Variants in NUFIP2 observed in about 807,000 individuals in gnomAD.
NUFIP2 encodes nuclear FMR1 interacting protein 2.
Under a neutral mutation model 56.9 loss-of-function variants are expected in NUFIP2, and 6 were observed. The ratio of observed to expected loss-of-function variants is 0.11; its 90% CI spans 0.06 to 0.21. The LOEUF is 0.21. Among genes scored for constraint, NUFIP2 ranks in the 10% least tolerant of loss-of-function variants. NUFIP2 has a pLI of 1.00. For synonymous variants in NUFIP2, 321 were observed against 298.2 expected, an observed-to-expected ratio of 1.08 and a Z score of -0.79; for missense variants, 828 against 826.8, an observed-to-expected ratio of 1.00 and a Z score of -0.02.
rs567664377 is a variant in NUFIP2, at chr17:29,267,968, G to A, written c.2003-438C>T. 5.3e-5 allele frequency among the ~76,000 whole-genome samples: 8 copies of A among 152,094 alleles called. No individual in the cohort carries two copies. In the South Asian group the frequency reaches 8.3e-4, roughly 16 times the overall value. On this transcript the variant is annotated intron_variant, in intron 2 of 3. Coordinates refer to ENST00000225388, the MANE Select transcript of NUFIP2 (RefSeq NM_020772.3). Reference sequence around the variant, plus strand: ...GGCTGGAGTGCAGTGGCCTGATCTCGGCTCACTGCAACCTCCGCCTCTCGG... The same window carrying A: ...GGCTGGAGTGCAGTGGCCTGATCTCAGCTCACTGCAACCTCCGCCTCTCGG...
chr17:29,287,149 T>C lies in NUFIP2; in HGVS notation c.845A>G (p.Tyr282Cys), dbSNP rs746154250. The change falls in exon 2 of 4, where the codon TAT becomes TGT. Residue 282 changes from tyrosine (Y) to cysteine (C), a missense_variant. Physicochemically the swap from Tyr to Cys is radical, Grantham distance 194. Around this residue, in one of 3 missense-constraint regions of NUFIP2, gnomAD observed 415 missense variants for 408.7 expected, o/e 1.02. Transcript: ENST00000225388. Reference protein sequence around the residue: ...RVDGSKPIWKYETGPGGTSRG... With the variant: ...RVDGSKPIWKCETGPGGTSRG... ...ACTTGTTCCTCCAGGCCCAGTTTCA[T>C]ACTTCCAAATGGGCTTCGAACCATC... 2 of 1,614,086 alleles carry C rather than the reference T, an allele frequency of 1.2e-6. No homozygotes were observed. Among genetic ancestry groups the C allele is most frequent in the African/African-American group, 2.7e-5 (2 of 74,932 alleles).
At chr17:29,272,341 C>T (rs1004866783) in intron 2 of NUFIP2, among the ~76,000 whole-genome samples, 2 of 150,754 alleles carry the variant, frequency 1.3e-5, no homozygotes, top group African/African-American at 4.9e-5. Flanking sequence ...CCAGGGTTCA[C>T]GCCATTCTCC....
chr17:29,269,852 C>G (rs1383714532), intron 2 of NUFIP2, among the ~76,000 whole-genome samples: 2 of 152,080 alleles, frequency 1.3e-5, no homozygotes, highest in Non-Finnish European at 2.9e-5. Context: ...TCCCGAGTAA[C>G]TGGGACTACA....
chr17:29,258,099 T>C lies in NUFIP2; in HGVS notation c.*6440A>G, dbSNP rs1398640174. ...TTTTTTAATATACATGCAAGGCACA[T>C]TGATATAAAAATAGATCTCTGGCCA... On this transcript the variant is annotated 3_prime_UTR_variant, in exon 4 of 4. Transcript: ENST00000225388. 6.6e-6 allele frequency: 1 copy of C among 152,086 alleles called. No homozygotes were observed. Among genetic ancestry groups the C allele is most frequent in the Admixed American group, 6.6e-5 (1 of 15,264 alleles). 9.4% of individuals were successfully genotyped at this position (152,086 alleles called of 1,614,324 possible). A position where few individuals can be genotyped will look rare whatever the true frequency, so the allele number is the denominator to read the frequency against.
intron 2 of NUFIP2, among the ~76,000 whole-genome samples, chr17:29,269,719 T>C (rs1433086501): frequency 6.6e-6 from 1 of 151,812 alleles, no homozygotes; most frequent in East Asian, 1.9e-4. Context: ...AAGCAATCCT[T>C]CCACCTCAGC....
At chr17:29,265,749 T>C (rs919909499) in intron 3 of NUFIP2, among the ~76,000 whole-genome samples, 1 of 140,418 alleles carries the variant, frequency 7.1e-6, no homozygotes, top group African/African-American at 2.7e-5. Flanking sequence ...ATACAACTGG[T>C]CACCCAATGG....
intron 2 of NUFIP2, among the ~76,000 whole-genome samples, chr17:29,269,211 T>C (rs2069057261): frequency 6.6e-6 from 1 of 152,184 alleles, no homozygotes; most frequent in African/African-American, 2.4e-5. Context: ...ACTATCATTT[T>C]GAAAGGACAA....
At chr17:29,284,706 CAAAAAAAA>C (rs66700326) in intron 2 of NUFIP2, among the ~76,000 whole-genome samples, 1 of 53,636 alleles carries the variant, frequency 1.9e-5, no homozygotes, top group African/African-American at 7.9e-5. Context: ...GACTCCATCT[CAAAAAAAA>C]AAAAAAAAAA....
intron 1 of NUFIP2, among the ~76,000 whole-genome samples, chr17:29,292,002 C>T (rs1384474287): frequency 6.6e-6 from 1 of 152,142 alleles, no homozygotes; most frequent in Non-Finnish European, 1.5e-5. Flanking sequence ...GTTTAACATA[C>T]GCTTTCTTAC....
chr17:29,264,532 T>C lies in NUFIP2; in HGVS notation c.*7A>G. 1 of 1,601,892 alleles carries C rather than the reference T, an allele frequency of 6.2e-7. No individual in the cohort carries two copies. ...GCAGAAAGGTTACGAATAGGCAGTC[T>C]GGTCCTTCATTGATCTGGACTATCC... On this transcript the variant is annotated 3_prime_UTR_variant, in exon 4 of 4. Transcript: ENST00000225388.
In NUFIP2 at chr17:29,262,705, C is replaced by A. The variant is rs959218988; in HGVS notation, c.*1834G>T. The A allele has an allele frequency of 4.7e-5, 7 of 150,194 alleles. No homozygotes were observed. Among genetic ancestry groups the A allele is most frequent in the Non-Finnish European group, 7.4e-5 (5 of 67,548 alleles). 9.3% of individuals were successfully genotyped at this position (150,194 alleles called of 1,614,324 possible). A position where few individuals can be genotyped will look rare whatever the true frequency, so the allele number is the denominator to read the frequency against. Reference sequence around the variant, plus strand: ...AACTGGCCTACCACAAGTTTCTGAACCTGGACTGATACAATAAGTTATTTT... The same window carrying A: ...AACTGGCCTACCACAAGTTTCTGAAACTGGACTGATACAATAAGTTATTTT... On this transcript the variant is annotated 3_prime_UTR_variant, in exon 4 of 4. Coordinates refer to ENST00000225388, the MANE Select transcript of NUFIP2 (RefSeq NM_020772.3).
chr17:29,284,705 T>C (rs1173715000), intron 2 of NUFIP2, among the ~76,000 whole-genome samples: 4 of 21,552 alleles, frequency 1.9e-4, no homozygotes, highest in African/African-American at 2.5e-4. Context: ...AGACTCCATC[T>C]CAAAAAAAAA....
In NUFIP2 at chr17:29,292,881, C is replaced by CGGGG. The variant is rs1375853349; in HGVS notation, c.277+898_277+901dup. ...CGGGTTACACAACCCCGGCCGGCGA[C>CGGGG]GGGGGGGGGGGCGGCCGCGGTGCGG... On this transcript the variant is annotated intron_variant, in intron 1 of 3. Transcript: ENST00000225388. Among the ~76,000 whole-genome samples the CGGGG allele has an allele frequency of 1.7e-4, 14 of 81,684 alleles. 1 individual carries two copies. The highest frequency in any genetic ancestry group is 3.7e-4 in the African/African-American group (8 of 21,340). 53.6% of individuals were successfully genotyped at this position (81,684 alleles called of 152,430 possible).
intron 1 of NUFIP2, among the ~76,000 whole-genome samples, chr17:29,289,605 AAAAG>A (rs1367560485): frequency 1.3e-5 from 2 of 152,188 alleles, no homozygotes; most frequent in East Asian, 1.9e-4. Context: ...AAAAAAAGAA[AAAAG>A]AAAGATACAC....
At chr17:29,283,817 A>G (rs751702652) in intron 2 of NUFIP2, among the ~76,000 whole-genome samples, 1 of 152,212 alleles carries the variant, frequency 6.6e-6, no homozygotes, top group Non-Finnish European at 1.5e-5. Context: ...TAACATTGCT[A>G]AAAACAACCA....
At chr17:29,281,470 C>A (rs968950889) in intron 2 of NUFIP2, among the ~76,000 whole-genome samples, 1 of 150,670 alleles carries the variant, frequency 6.6e-6, no homozygotes, top group East Asian at 2.0e-4. Context: ...CCAGCCTCAA[C>A]AACACAGCAA....
At chr17:29,279,210 T>C (rs940040468) in intron 2 of NUFIP2, among the ~76,000 whole-genome samples, 1 of 152,236 alleles carries the variant, frequency 6.6e-6, no homozygotes, top group Non-Finnish European at 1.5e-5. Context: ...CTCTGAACAA[T>C]GTCCAAACTG....
At chr17:29,284,724 A>G (rs1311051001) in intron 2 of NUFIP2, among the ~76,000 whole-genome samples, 9 of 150,600 alleles carry the variant, frequency 6.0e-5, no homozygotes, top group South Asian at 2.1e-4. Context: ...AAAAAAAAAA[A>G]AAAGAAAAAA....
chr17:29,278,859 C>T (rs926706636), intron 2 of NUFIP2, among the ~76,000 whole-genome samples: 4 of 152,128 alleles, frequency 2.6e-5, no homozygotes, highest in African/African-American at 9.7e-5. Flanking sequence ...AAACATCAAG[C>T]AGTCAGTATG....
Sources: allele counts gnomAD v4.1 joint callset (sites outside exome capture counted in the v4.1 genomes callset), GRCh38; gene constraint gnomAD v4.1.1; regional missense constraint gnomAD v4.1.1; transcripts MANE v1.5; gene names NCBI Gene and HGNC (gene_info 2026-07-23, HGNC 2026-07-21).